MEGF11: variants seen among roughly 807,000 people sequenced by gnomAD.
MEGF11 encodes the protein multiple epidermal growth factor-like domains protein 11.
MEGF11 carries 126 observed loss-of-function variants against 146.6 expected under a neutral mutation model. The ratio of observed to expected loss-of-function variants is 0.86; its 90% CI spans 0.74 to 1.00. The LOEUF (loss-of-function observed/expected upper bound fraction) is 1.00, where lower values mean the gene tolerates loss of function less well. Ranked by LOEUF, MEGF11 falls within the 50% of genes least tolerant of loss-of-function variation. MEGF11 has a pLI of 0.00. For synonymous variants in MEGF11, 532 were observed against 583.4 expected (o/e 0.91, Z 1.27); for missense variants, 1,509 against 1,521.2 (o/e 0.99, Z 0.13).
At chr15:66,193,792 ATATAT>A (rs1467531110) in intron 1 of MEGF11, among the ~76,000 whole-genome samples, 4 of 151,878 alleles carry the variant, frequency 2.6e-5, no homozygotes, top group South Asian at 2.1e-4. Context: ...ATATACAGCC[ATATAT>A]TATATTATAT....
chr15:66,069,412 T>C (rs911827164), intron 5 of MEGF11, among the ~76,000 whole-genome samples: 1 of 152,232 alleles, frequency 6.6e-6, no homozygotes, highest in Non-Finnish European at 1.5e-5. Context: ...ACTGAATACT[T>C]TGTCAAGGCA....
Position 65,979,139 on chromosome 15 carries a change from C to T in MEGF11, c.762+1639G>A, listed in dbSNP as rs183290991. 3.3e-5 allele frequency among the ~76,000 whole-genome samples: 5 copies of T among 152,266 alleles called. No individual in the cohort carries two copies. The East Asian group carries it at 9.6e-4, about 29-fold the overall frequency. On this transcript the variant is annotated intron_variant, in intron 7 of 25. Coordinates refer to ENST00000395614, the MANE Select transcript of MEGF11 (RefSeq NM_001385028.1). ...GAAACACAGAAGGAAGTCCTATGGT[C>T]TGGATCAGTTCTTTCCAAATGAAGA...
intron 4 of MEGF11, among the ~76,000 whole-genome samples, chr15:66,104,503 C>CT (rs1326568191): frequency 2.6e-5 from 4 of 152,240 alleles, no homozygotes; most frequent in Non-Finnish European, 5.9e-5. Flanking sequence ...CTTTGCCTCT[C>CT]TTAAGTTCTT....
At chr15:66,079,540 C>A (rs1185134869) in intron 5 of MEGF11, among the ~76,000 whole-genome samples, 6 of 143,090 alleles carry the variant, frequency 4.2e-5, no homozygotes, top group African/African-American at 7.9e-5. Context: ...CATTCACACC[C>A]CCCCCCCCAG....
rs561996357 is a variant in MEGF11 at position 66,061,332 on chromosome 15, G to T, written c.394+33070C>A. 2.6e-5 allele frequency among the ~76,000 whole-genome samples: 4 copies of T among 152,306 alleles called. No individual in the cohort carries two copies. The South Asian group carries it at 8.3e-4, about 32-fold the overall frequency. On this transcript the variant is annotated intron_variant, in intron 5 of 25. Coordinates refer to ENST00000395614, the MANE Select transcript of MEGF11 (RefSeq NM_001385028.1). ...AGGCCGTCCCAGGCATTCTGGCCAG[G>T]GCAGTTTTCCCACCTCACTGTCCCC...
chr15:66,210,116 G>T (rs1029731735), intron 1 of MEGF11, among the ~76,000 whole-genome samples: 4 of 152,112 alleles, frequency 2.6e-5, no homozygotes, highest in Non-Finnish European at 5.9e-5. Flanking sequence ...GTGAGCTACT[G>T]CACCAGGCCT....
In MEGF11 at chr15:65,897,906, C is replaced by T. The variant is rs757637384; in HGVS notation, c.*28G>A. 3 of 1,605,234 alleles carry T rather than the reference C, an allele frequency of 1.9e-6. No homozygotes were observed. The highest frequency in any genetic ancestry group is 2.6e-6 in the Non-Finnish European group (3 of 1,175,098). On this transcript the variant is annotated 3_prime_UTR_variant, in exon 26 of 26. Coordinates refer to ENST00000395614, the MANE Select transcript of MEGF11 (RefSeq NM_001385028.1). ...TTCAGAGTCAGAATATTCAGTAGAG[C>T]ACACTGCAAGAGAGAAGCTTATCCC...
intron 1 of MEGF11, among the ~76,000 whole-genome samples, chr15:66,199,382 C>G (rs2091093775): frequency 6.6e-6 from 1 of 152,148 alleles, no homozygotes; most frequent in Non-Finnish European, 1.5e-5. Context: ...TTTTTCTAGC[C>G]TCCACGTCCG....
intron 5 of MEGF11, among the ~76,000 whole-genome samples, chr15:65,988,145 C>T (rs1208106229): frequency 6.6e-6 from 1 of 151,772 alleles, no homozygotes; most frequent in Non-Finnish European, 1.5e-5. Context: ...GTAGCTGGGA[C>T]TACAGGCGTG....
intron 2 of MEGF11, among the ~76,000 whole-genome samples, chr15:66,124,471 C>T (rs1485467633): frequency 6.6e-6 from 1 of 152,196 alleles, no homozygotes; most frequent in African/African-American, 2.4e-5. Flanking sequence ...GTGACTTGCC[C>T]AGCTCACACT....
At chr15:65,904,836 C>T (rs1217907858) in intron 24 of MEGF11, among the ~76,000 whole-genome samples, 4 of 152,148 alleles carry the variant, frequency 2.6e-5, no homozygotes, top group Non-Finnish European at 1.5e-5. Context: ...CCAGGTGATT[C>T]TGGTACACTG....
At chr15:66,009,141 TG>T (rs1028796512) in intron 5 of MEGF11, among the ~76,000 whole-genome samples, 51 of 152,300 alleles carry the variant, frequency 3.3e-4, no homozygotes, top group African/African-American at 1.2e-3. Context: ...AATCTGTGCC[TG>T]GGGACTCTTT....
intron 1 of MEGF11, among the ~76,000 whole-genome samples, chr15:66,179,050 C>T (rs2090468963): frequency 6.7e-6 from 1 of 150,046 alleles, no homozygotes; most frequent in Non-Finnish European, 1.5e-5. Flanking sequence ...AGTACTTTCA[C>T]TCTCCGGATA....
intron 20 of MEGF11, 49 bp from the exon 21 acceptor site, chr15:65,912,249 A>ACCCC: frequency 9.0e-7 from 1 of 1,107,718 alleles, no homozygotes; most frequent in South Asian, 4.6e-5. Flanking sequence ...TGCCCCTGGC[A>ACCCC]TGAGATACCC....
chr15:65,910,011 C>T (rs375743918), intron 21 of MEGF11: 4 of 685,936 alleles, frequency 5.8e-6, no homozygotes, highest in African/African-American at 1.8e-5. Context: ...ACATACCCCA[C>T]CCCAGCTGTT....
chr15:66,203,414 A>G (rs1597150189), intron 1 of MEGF11, among the ~76,000 whole-genome samples: 1 of 152,202 alleles, frequency 6.6e-6, no homozygotes, highest in African/African-American at 2.4e-5. Flanking sequence ...GGAACTGGCA[A>G]CTGAGGCCTT....
chr15:65,960,268 CTATTT>C (rs2080813106), intron 9 of MEGF11, among the ~76,000 whole-genome samples: 1 of 152,198 alleles, frequency 6.6e-6, no homozygotes, highest in Non-Finnish European at 1.5e-5. Context: ...AACTGAGCAT[CTATTT>C]TATTTATAAA....
intron 1 of MEGF11, among the ~76,000 whole-genome samples, chr15:66,165,736 C>A (rs1292279930): frequency 6.6e-6 from 1 of 152,186 alleles, no homozygotes; most frequent in African/African-American, 2.4e-5. Flanking sequence ...GGAAGAATGG[C>A]TCCAAGCTCC....
rs751149953 is a variant in MEGF11, at chr15:65,965,000, C to A, written c.1020G>T (p.Lys340Asn). 7.0e-6 allele frequency: 11 copies of A among 1,569,994 alleles called. No individual in the cohort carries two copies. Among genetic ancestry groups the A allele is most frequent in the African/African-American group, 2.7e-5 (2 of 73,884 alleles). ...ACAGTCGCTCCTGGCAGCGTGGGCC[C>A]TTGTAGCCAGGCTCACACTCGCAGG... ...TGACECEPGY[K>N]GPRCQERLCP... Residue 340 changes from lysine (K) to asparagine (N), a missense_variant, in exon 9 of 26, where the codon AAG becomes AAT. Coordinates refer to ENST00000395614, the MANE Select transcript of MEGF11 (RefSeq NM_001385028.1).
Sources: gnomAD v4.1 joint callset for allele counts (sites outside exome capture counted in the v4.1 genomes callset) on GRCh38, gnomAD v4.1.1 for gene constraint, MANE v1.5 for transcripts, NCBI Gene and HGNC (gene_info 2026-07-23, HGNC 2026-07-21) for gene names.